The following ABCG1 variants were observed in gnomAD, a reference collection of about 807,000 sequenced individuals.
The protein encoded by ABCG1 is ATP-binding cassette sub-family G member 1.
A neutral mutation model predicts 69.2 loss-of-function variants in ABCG1; 29 were observed. The ratio of observed to expected loss-of-function variants is 0.42; its 90% confidence interval spans 0.31 to 0.57. The LOEUF is 0.57. ABCG1 is among the 20% of genes least tolerant of loss of function. The pLI, the probability that ABCG1 is intolerant of heterozygous loss-of-function variation, is 0.15. For missense variants in ABCG1, 718 were observed against 898.1 expected, an observed-to-expected ratio of 0.80 and a Z score of 2.56; for synonymous variants, 370 against 374.8, an observed-to-expected ratio of 0.99 and a Z score of 0.15.
At chr21:42,271,930 G>A (rs75923559) in intron 3 of ABCG1, among the ~76,000 whole-genome samples, 9,940 of 152,192 alleles carry the variant, frequency 0.065, 395 homozygotes, top group South Asian at 0.098. Context: ...CAACAAAGAA[G>A]TTTGGCGACC....
intron 3 of ABCG1, among the ~76,000 whole-genome samples, chr21:42,272,712 G>A (rs147815454): frequency 2.2e-4 from 34 of 152,308 alleles, no homozygotes; most frequent in African/African-American, 7.7e-4. Flanking sequence ...GAGTGTGCCT[G>A]GTGAGGCCGT....
rs938534681 is a variant in ABCG1, at chr21:42,219,668, C to G, written c.42+364C>G. Among the ~76,000 whole-genome samples the G allele has an allele frequency of 6.6e-6, 1 of 151,992 alleles. No homozygotes were observed. The highest frequency in any genetic ancestry group is 1.5e-5 in the Non-Finnish European group (1 of 67,958). On this transcript the variant is annotated intron_variant, in intron 1 of 14. Transcript: ENST00000398449. The surrounding 1 kb of genome is among the most constrained non-coding windows in gnomAD (Gnocchi z 5.3). ...AGCGCACTGGGGACTGGGGAGGGGC[C>G]GCAGCTTGGGCCGGAGGGAAGAGGG...
intron 2 of ABCG1, chr21:42,206,892 C>G (rs956562390): frequency 2.2e-5 from 3 of 137,574 alleles, no homozygotes; most frequent in African/African-American, 8.1e-5. Context: ...TTTTTTCTTT[C>G]AGGAAATAAA....
In ABCG1 at chr21:42,225,723, C is replaced by T. The variant is rs1366590187; in HGVS notation, c.95C>T (p.Ser32Leu). 8.1e-6 allele frequency: 13 copies of T among 1,613,684 alleles called. No individual in the cohort carries two copies. Among genetic ancestry groups the T allele is most frequent in the African/African-American group, 8.0e-5 (6 of 74,780 alleles). ...EMTEPKSVCV[S>L]VDEVVSSNME... ...ACGGAGCCCAAGTCGGTGTGTGTCT[C>T]GGTGGATGAGGTGGTGTCCAGCAAC... The change falls in exon 2 of 15, where the codon TCG becomes TTG. Residue 32 changes from serine (S) to leucine (L), a missense_variant. Transcript: ENST00000398449.
chr21:42,285,016 G>C (rs1462471870), intron 7 of ABCG1, among the ~76,000 whole-genome samples: 1 of 152,094 alleles, frequency 6.6e-6, no homozygotes, highest in East Asian at 1.9e-4. Context: ...GGCAGCGAAG[G>C]GGGCTGGGGA....
At chr21:42,233,690 C>T (rs1251317312) in intron 2 of ABCG1, among the ~76,000 whole-genome samples, 1 of 152,204 alleles carries the variant, frequency 6.6e-6, no homozygotes, top group Non-Finnish European at 1.5e-5. Flanking sequence ...AAATAAGAAG[C>T]ACATGGCCCT....
intron 5 of ABCG1, among the ~76,000 whole-genome samples, chr21:42,280,463 C>T (rs377250658): frequency 3.9e-5 from 6 of 152,236 alleles, no homozygotes; most frequent in Non-Finnish European, 5.9e-5. Context: ...CTCCCTGGAG[C>T]GCCCGCCGGG....
rs574823857 is a variant in ABCG1, at chr21:42,244,869, T to C, written c.286+18955T>C. On this transcript the variant is annotated intron_variant, in intron 2 of 14. Coordinates refer to ENST00000398449, the MANE Select transcript of ABCG1 (RefSeq NM_016818.3). ...ACCGTAGGCAGGTGAAATCCCCACCTTGCTGTTGGAACCCGAGCTTCAGAG... is the reference window on the plus strand; with the variant it reads ...ACCGTAGGCAGGTGAAATCCCCACCCTGCTGTTGGAACCCGAGCTTCAGAG... Among the ~76,000 whole-genome samples the C allele has an allele frequency of 4.6e-5, 7 of 152,364 alleles. No individual in the cohort carries two copies. In the South Asian group the frequency reaches 1.4e-3, roughly 32 times the overall value.
chr21:42,238,568 GA>G (rs1569213609), intron 2 of ABCG1, among the ~76,000 whole-genome samples: 1 of 152,208 alleles, frequency 6.6e-6, no homozygotes, highest in African/African-American at 2.4e-5. Flanking sequence ...CAGATCGCTG[GA>G]TGACAAGCTT....
intron 2 of ABCG1, among the ~76,000 whole-genome samples, chr21:42,207,551 G>A (rs1484266335): frequency 1.3e-5 from 2 of 152,190 alleles, no homozygotes; most frequent in African/African-American, 4.8e-5. Flanking sequence ...TTCTAACACT[G>A]CTGTCCTCTT....
intron 10 of ABCG1, 69 bp from the exon 11 acceptor site, chr21:42,289,981 A>G: frequency 6.3e-7 from 1 of 1,587,922 alleles, no homozygotes; most frequent in East Asian, 2.2e-5. Context: ...CAAAGGCCGC[A>G]TCCGGGTTGT....
chr21:42,272,097 G>GA (rs766462153), intron 3 of ABCG1, among the ~76,000 whole-genome samples: 2 of 152,158 alleles, frequency 1.3e-5, no homozygotes, highest in Non-Finnish European at 2.9e-5. Context: ...TTCATTTACT[G>GA]AAAAAATGGC....
chr21:42,268,938 G>A (rs1025175688), intron 2 of ABCG1, among the ~76,000 whole-genome samples: 1 of 152,196 alleles, frequency 6.6e-6, no homozygotes, highest in Non-Finnish European at 1.5e-5. Flanking sequence ...CCAGCACTGA[G>A]GGTCAGCCCC....
At chr21:42,270,036 C>T (rs1004950348) in intron 2 of ABCG1, among the ~76,000 whole-genome samples, 1 of 152,072 alleles carries the variant, frequency 6.6e-6, no homozygotes, top group Non-Finnish European at 1.5e-5. Flanking sequence ...GAGGCCGAGG[C>T]GGGCGGATCA....
At chr21:42,215,735 C>T (rs181609614), upstream of ABCG1, among the ~76,000 whole-genome samples, 1 of 152,308 alleles carries the variant, frequency 6.6e-6, no homozygotes, top group African/African-American at 2.4e-5. Context: ...GTCCAGAGAA[C>T]AAGGGTCTGG....
intron 2 of ABCG1, among the ~76,000 whole-genome samples, chr21:42,235,330 G>A (rs943179278): frequency 1.3e-5 from 2 of 152,226 alleles, no homozygotes; most frequent in Non-Finnish European, 2.9e-5. Context: ...GCGCCCCTGT[G>A]GCTTCAGCTG....
chr21:42,294,623 A>C lies in ABCG1; in HGVS notation c.1735A>C (p.Thr579Pro). 2.5e-6 allele frequency: 4 copies of C among 1,613,968 alleles called. No homozygotes were observed. The highest frequency in any genetic ancestry group is 3.4e-6 in the Non-Finnish European group (4 of 1,179,924). ...GFFVSFDTIPTYLQWMSYISY... is the reference protein window; with the variant it reads ...GFFVSFDTIPPYLQWMSYISY... ...CTTCGTCAGCTTCGACACCATCCCCACGTACCTACAGTGGATGTCCTACAT... is the reference window on the plus strand; with the variant it reads ...CTTCGTCAGCTTCGACACCATCCCCCCGTACCTACAGTGGATGTCCTACAT... The change falls in exon 14 of 15, where the codon ACG becomes CCG. Residue 579 changes from threonine to proline, a missense_variant. Physicochemically the swap from Thr to Pro is conservative, Grantham distance 38 (BLOSUM62 -1). This residue lies in a region of ABCG1 where 204 missense variants were observed against 323.8 expected (regional missense o/e 0.63). Transcript: ENST00000398449.
rs561913577 is a variant in ABCG1, at chr21:42,222,257, G to A, written c.42+2953G>A. The stretch of plus-strand genomic sequence containing the variant: ...ACCTACATTGCCGGCAGCTCTCATC[G>A]GAGGATGTGTTTCCAGAGAGCTGGT... On this transcript the variant is annotated intron_variant, in intron 1 of 14. Coordinates refer to ENST00000398449, the MANE Select transcript of ABCG1 (RefSeq NM_016818.3). Among the ~76,000 whole-genome samples the A allele has an allele frequency of 5.3e-5, 8 of 152,296 alleles. No individual in the cohort carries two copies. The South Asian group carries it at 1.5e-3, about 28-fold the overall frequency.
Position 42,291,454 on chromosome 21 carries a change from G to A in ABCG1, c.1495-44G>A. The A allele has an allele frequency of 6.3e-7, 1 of 1,581,490 alleles. No individual in the cohort carries two copies. The highest frequency in any genetic ancestry group is 8.6e-7 in the Non-Finnish European group (1 of 1,158,790). ...GGAGCTTTGCTGTTGGCCTGCTGTG[G>A]TGGGAAGCGGCTGAGCCCGCGGCTG... On this transcript the variant is annotated intron_variant, in intron 12 of 14. Coordinates refer to ENST00000398449, the MANE Select transcript of ABCG1 (RefSeq NM_016818.3). The surrounding 1 kb of genome is among the most constrained non-coding windows in gnomAD (Gnocchi z 6.4).
Sources: gnomAD v4.1 joint callset for allele counts (sites outside exome capture counted in the v4.1 genomes callset) on GRCh38, gnomAD v4.1.1 for gene constraint, gnomAD v4.1.1 regional missense constraint, Gnocchi (gnomAD v3.1) non-coding constraint, MANE v1.5 for transcripts, NCBI Gene and HGNC (gene_info 2026-07-23, HGNC 2026-07-21) for gene names.